TLE4: variants seen among roughly 807,000 people sequenced by gnomAD.
TLE4 encodes the protein TLE family member 4, transcriptional corepressor.
In TLE4, 8 loss-of-function variants were observed where a neutral mutation model predicts 92.8. The observed-to-expected ratio is 0.09, with a 90% confidence interval of 0.05 to 0.16. The LOEUF is 0.16. Among genes scored for constraint, TLE4 ranks in the 10% least tolerant of loss-of-function variants. The pLI is 1.00. For missense variants in TLE4, 675 were observed against 997.6 expected, an observed-to-expected ratio of 0.68 and a Z score of 4.36; for synonymous variants, 371 against 374.1, an observed-to-expected ratio of 0.99 and a Z score of 0.10.
Position 79,720,226 on chromosome 9 carries a change from G to T in TLE4, c.1771G>T (p.Val591Phe). The change falls in exon 16 of 20, where the codon GTC becomes TTC. Residue 591 changes from valine (V) to phenylalanine (F), a missense_variant. Physicochemically the swap from Val to Phe is conservative, Grantham distance 50 (BLOSUM62 -1). This residue lies in a region of TLE4 where 170 missense variants were observed against 359.6 expected (regional missense o/e 0.47). Coordinates refer to ENST00000376552, the MANE Select transcript of TLE4 (RefSeq NM_007005.6). ...YALAISPDSK[V>F]CFSCCSDGNI... ...CCTGGCCATCAGCCCCGATTCCAAG[G>T]TCTGCTTCTCATGCTGCAGCGACGG... The T allele has an allele frequency of 6.2e-7, 1 of 1,614,172 alleles. No individual in the cohort carries two copies. Among genetic ancestry groups the T allele is most frequent in the Non-Finnish European group, 8.5e-7 (1 of 1,180,032 alleles).
intron 14 of TLE4, among the ~76,000 whole-genome samples, chr9:79,710,270 G>T (rs1283101588): frequency 6.6e-6 from 1 of 152,124 alleles, no homozygotes; most frequent in Non-Finnish European, 1.5e-5. Flanking sequence ...TTAATCTAAT[G>T]CACCTTTTTA....
chr9:79,716,858 G>A (rs2136164911), intron 14 of TLE4, among the ~76,000 whole-genome samples: 1 of 152,284 alleles, frequency 6.6e-6, no homozygotes, highest in African/African-American at 2.4e-5. Context: ...AGGAGAACAA[G>A]GTGTGTGCAT....
chr9:79,602,195 C>G (rs769935373), intron 4 of TLE4, among the ~76,000 whole-genome samples: 6 of 152,192 alleles, frequency 3.9e-5, no homozygotes, highest in Non-Finnish European at 8.8e-5. Flanking sequence ...TGTGAAAGTA[C>G]AAAGTGAAGC....
At chr9:79,598,569 T>A (rs983691644) in intron 4 of TLE4, among the ~76,000 whole-genome samples, 2 of 152,206 alleles carry the variant, frequency 1.3e-5, no homozygotes, top group Non-Finnish European at 2.9e-5. Flanking sequence ...ATTCTGTATT[T>A]GTTTCAATGT....
intron 5 of TLE4, among the ~76,000 whole-genome samples, chr9:79,624,245 T>G (rs957522011): frequency 1.3e-5 from 2 of 152,048 alleles, no homozygotes; most frequent in Admixed American, 1.3e-4. Flanking sequence ...GCATGTTCAT[T>G]TTTCTCTTTT....
chr9:79,694,915 A>G (rs1435534064), intron 8 of TLE4, among the ~76,000 whole-genome samples: 2 of 152,130 alleles, frequency 1.3e-5, no homozygotes, highest in Admixed American at 6.5e-5. Flanking sequence ...TGATGCGTGC[A>G]TTCTTCCCTG....
chr9:79,633,176 C>A lies in TLE4; in HGVS notation c.390+5728C>A, dbSNP rs1462691951. Among the ~76,000 whole-genome samples, 5 of 152,100 alleles carry A rather than the reference C, an allele frequency of 3.3e-5. No homozygotes were observed. The East Asian group carries it at 7.7e-4, about 23-fold the overall frequency. ...GGCAGTAATTTCCCTTCTCTCATAACAAAGACTCTCATATATTTAAGTAAT... is the reference window on the plus strand; with the variant it reads ...GGCAGTAATTTCCCTTCTCTCATAAAAAAGACTCTCATATATTTAAGTAAT... On this transcript the variant is annotated intron_variant, in intron 6 of 19. Transcript: ENST00000376552.
At chr9:79,651,579 A>G (rs886790575) in intron 6 of TLE4, among the ~76,000 whole-genome samples, 1 of 152,240 alleles carries the variant, frequency 6.6e-6, no homozygotes, top group Non-Finnish European at 1.5e-5. Context: ...GTACAAGGGC[A>G]GGCCTCTAGC....
intron 4 of TLE4, among the ~76,000 whole-genome samples, chr9:79,609,057 C>T (rs912457236): frequency 3.3e-5 from 5 of 151,972 alleles, no homozygotes; most frequent in Admixed American, 6.6e-5. Context: ...GTATTGTGTG[C>T]GTTAGTATTT....
intron 6 of TLE4, among the ~76,000 whole-genome samples, chr9:79,643,129 C>T (rs573027293): frequency 3.7e-4 from 56 of 152,288 alleles, no homozygotes; most frequent in Middle Eastern, 3.4e-3. Context: ...CCAGCCTCTA[C>T]AACTACAGAG....
intron 14 of TLE4, among the ~76,000 whole-genome samples, chr9:79,713,554 G>A (rs1041673807): frequency 6.6e-6 from 1 of 152,110 alleles, no homozygotes; most frequent in Non-Finnish European, 1.5e-5. Flanking sequence ...TATTTGTTGG[G>A]CATCTTAGCT....
intron 8 of TLE4, among the ~76,000 whole-genome samples, chr9:79,654,495 A>AT (rs557985264): frequency 0.014 from 1,948 of 143,216 alleles, 29 homozygotes; most frequent in African/African-American, 0.042. Context: ...TGAATGGTGC[A>AT]TTTTTTTTTT....
At chr9:79,589,145 T>C (rs1177992845) in intron 4 of TLE4, among the ~76,000 whole-genome samples, 1 of 152,194 alleles carries the variant, frequency 6.6e-6, no homozygotes, top group Non-Finnish European at 1.5e-5. Context: ...GAAACTCTGC[T>C]CCAGAGAGAA....
chr9:79,708,824 C>A, intron 13 of TLE4, 38 bp downstream of exon 13: 2 of 1,568,484 alleles, frequency 1.3e-6, no homozygotes, highest in Non-Finnish European at 8.6e-7. Context: ...TTTTAGCACA[C>A]GGAGGATTGT....
chr9:79,631,284 T>C (rs2054126053), intron 6 of TLE4, among the ~76,000 whole-genome samples: 1 of 152,192 alleles, frequency 6.6e-6, no homozygotes, highest in Non-Finnish European at 1.5e-5. Context: ...TGTTCATGCT[T>C]GAATGGTGCT....
In TLE4 at chr9:79,593,602, A is replaced by G. The variant is rs1288339836; in HGVS notation, c.252+17425A>G. ...TTTGTATTTTTGCTAAAAACATAAT[A>G]TTAAAGAAAATTAAACAATATTCAG... On this transcript the variant is annotated intron_variant, in intron 4 of 19. Transcript: ENST00000376552. Among the ~76,000 whole-genome samples, 5 of 152,324 alleles carry G rather than the reference A, an allele frequency of 3.3e-5. No homozygotes were observed. The East Asian group carries it at 9.7e-4, about 29-fold the overall frequency.
intron 16 of TLE4, among the ~76,000 whole-genome samples, chr9:79,720,877 T>C (rs2075518609): frequency 6.6e-6 from 1 of 152,108 alleles, no homozygotes; most frequent in Non-Finnish European, 1.5e-5. Flanking sequence ...ACCTTTGAGG[T>C]TGGATAGATA....
At chr9:79,646,620 A>C (rs1049289634) in intron 6 of TLE4, among the ~76,000 whole-genome samples, 3 of 152,158 alleles carry the variant, frequency 2.0e-5, no homozygotes, top group Non-Finnish European at 4.4e-5. Flanking sequence ...CAGTTATAAA[A>C]TACCTGCTAC....
rs1416690655 is a variant in TLE4 at position 79,722,593 on chromosome 9, C to A, written c.2129C>A (p.Ala710Asp). Residue 710 changes from alanine to aspartate, a missense_variant, in exon 18 of 20, where the codon GCC (alanine) becomes GAC (aspartate). Coordinates refer to ENST00000376552, the MANE Select transcript of TLE4 (RefSeq NM_007005.6). ...AGCTGTGTGCTGTCGCTCAAGTTTG[C>A]CCATTGTGGTAAGCAAGCACCTTTT... Reference protein sequence around the residue: ...HESCVLSLKFAHCGKWFVSTG... With the variant: ...HESCVLSLKFDHCGKWFVSTG... 6.2e-7 allele frequency: 1 copy of A among 1,613,724 alleles called. No individual in the cohort carries two copies. The highest frequency in any genetic ancestry group is 1.3e-5 in the African/African-American group (1 of 74,894).
Sources: allele counts gnomAD v4.1 joint callset (sites outside exome capture counted in the v4.1 genomes callset), GRCh38; gene constraint gnomAD v4.1.1; regional missense constraint gnomAD v4.1.1; transcripts MANE v1.5; gene names NCBI Gene and HGNC (gene_info 2026-07-23, HGNC 2026-07-21).